Variants in LRP2BP observed in about 807,000 individuals in gnomAD.
The protein encoded by LRP2BP is LRP2-binding protein.
In LRP2BP, 38 loss-of-function variants were observed where a neutral mutation model predicts 45.2. The observed-to-expected ratio is 0.84, with a 90% CI of 0.65 to 1.10. LRP2BP has a LOEUF of 1.10. LRP2BP is among the 50% of genes least tolerant of loss of function. The probability of loss-of-function intolerance (pLI) is 0.00; values close to 1 mark genes in which losing one functional copy is unlikely to be tolerated. For missense variants in LRP2BP, 385 were observed against 418.9 expected, an observed-to-expected ratio of 0.92 and a Z score of 0.71; for synonymous variants, 153 against 153.9, an observed-to-expected ratio of 0.99 and a Z score of 0.04.
In LRP2BP at chr4:185,395,395, T is replaced by A; in HGVS notation, c.-638A>T. On this transcript the variant is annotated 5_prime_UTR_variant, in exon 1 of 9. Transcript: ENST00000505916. ...AGGAATTCCTGAAAATGAACTTCTGTGCAAACCTGAAGCTTCAACACGTGT... is the reference window on the plus strand; with the variant it reads ...AGGAATTCCTGAAAATGAACTTCTGAGCAAACCTGAAGCTTCAACACGTGT... The A allele has an allele frequency of 1.0e-6, 1 of 985,462 alleles. No homozygotes were observed. Among genetic ancestry groups the A allele is most frequent in the Non-Finnish European group, 1.2e-6 (1 of 829,928 alleles). 61.0% of individuals were successfully genotyped at this position (985,462 alleles called of 1,614,324 possible). A position where few individuals can be genotyped will look rare whatever the true frequency, so the allele number is the denominator to read the frequency against.
intron 1 of LRP2BP, 36 bp downstream of exon 1, chr4:185,394,743 T>C (rs1470624163): frequency 4.2e-5 from 41 of 985,246 alleles, no homozygotes; most frequent in Non-Finnish European, 4.8e-5. Context: ...TACTCAAGAT[T>C]CAGCCCACAC....
chr4:185,371,111 C>T (rs1323063058), intron 7 of LRP2BP: 1 of 274,778 alleles, frequency 3.6e-6, no homozygotes, highest in African/African-American at 2.1e-5. Flanking sequence ...AGTTTAATGT[C>T]ACTTTGTGGA....
chr4:185,379,291 G>A (rs1180546599), intron 1 of LRP2BP, among the ~76,000 whole-genome samples: 2 of 152,122 alleles, frequency 1.3e-5, no homozygotes, highest in Non-Finnish European at 2.9e-5. Flanking sequence ...AGCAATATTA[G>A]GTAAGGTATT....
rs924829420 is a variant in LRP2BP at position 185,370,539 on chromosome 4, A to G, written c.978+101T>C. On this transcript the variant is annotated intron_variant, in intron 8 of 8. Transcript: ENST00000505916. ...TGTAGACAGAGGTTATCTGCACAGT[A>G]ATTGAGTAGAAAAAACACTAATCCG... The G allele has an allele frequency of 9.2e-6, 11 of 1,198,274 alleles. 1 individual carries two copies. The Admixed American group carries it at 2.4e-4, about 26-fold the overall frequency. 74.2% of individuals were successfully genotyped at this position (1,198,274 alleles called of 1,614,324 possible). A position where few individuals can be genotyped will look rare whatever the true frequency, so the allele number is the denominator to read the frequency against.
At chr4:185,384,271 A>G (rs1055228891) in intron 1 of LRP2BP, among the ~76,000 whole-genome samples, 1 of 152,194 alleles carries the variant, frequency 6.6e-6, no homozygotes, top group African/African-American at 2.4e-5. Context: ...CTCACCAGAC[A>G]CTGAATCTGC....
rs2126771416 is a variant in LRP2BP, at chr4:185,366,163, A to G, written c.*1017T>C. 1 of 152,380 alleles carries G rather than the reference A, an allele frequency of 6.6e-6. No homozygotes were observed. Among genetic ancestry groups the G allele is most frequent in the Middle Eastern group, 3.4e-3 (1 of 294 alleles). 9.4% of individuals were successfully genotyped at this position (152,380 alleles called of 1,614,324 possible). A position where few individuals can be genotyped will look rare whatever the true frequency, so the allele number is the denominator to read the frequency against. On this transcript the variant is annotated 3_prime_UTR_variant, in exon 9 of 9. Coordinates refer to ENST00000505916, the MANE Select transcript of LRP2BP (RefSeq NM_001377440.1). Reference sequence around the variant, plus strand: ...TTGTTTCACAAATGAATAGCCTTGTACAATCTTATGCATATGGATCTTACT... The same window carrying G: ...TTGTTTCACAAATGAATAGCCTTGTGCAATCTTATGCATATGGATCTTACT...
At chr4:185,368,939 A>G (rs1168373089) in intron 8 of LRP2BP, among the ~76,000 whole-genome samples, 2 of 151,574 alleles carry the variant, frequency 1.3e-5, no homozygotes, top group Non-Finnish European at 2.9e-5. Context: ...GACTATGGAC[A>G]TGCGTTACCA....
chr4:185,374,085 CA>C, intron 6 of LRP2BP, 49 bp downstream of exon 6: 1 of 1,468,762 alleles, frequency 6.8e-7, no homozygotes, highest in Non-Finnish European at 9.4e-7. Flanking sequence ...AGCAGTGAAA[CA>C]AATATTAATC....
chr4:185,396,752 T>A, upstream of LRP2BP: 1 of 691,704 alleles, frequency 1.4e-6, no homozygotes, highest in South Asian at 1.7e-5. Context: ...ATTAGGCTGC[T>A]CGGGCGTAAC....
chr4:185,374,409 G>C lies in LRP2BP; in HGVS notation c.383C>G (p.Ala128Gly), dbSNP rs2095426262. Residue 128 changes from alanine (A) to glycine (G), a missense_variant, in exon 5 of 9, where the codon GCA becomes GGA. Coordinates refer to ENST00000505916, the MANE Select transcript of LRP2BP (RefSeq NM_001377440.1). The part of the protein sequence containing the change: ...KKILDSPCPK[A>G]RHLKFAAAYN... ...AGCAGCTGCAAATTTTAAGTGTCTT[G>C]CTTTGGGACATGGAGAATCAAGAAT... The C allele has an allele frequency of 6.2e-7, 1 of 1,613,934 alleles. No individual in the cohort carries two copies. Among genetic ancestry groups the C allele is most frequent in the African/African-American group, 1.3e-5 (1 of 74,872 alleles).
Position 185,376,906 on chromosome 4 carries a change from T to TA in LRP2BP, c.216+2dup, listed in dbSNP as rs777996004. 1.9e-6 allele frequency: 3 copies of TA among 1,595,964 alleles called. No individual in the cohort carries two copies. The African/African-American group carries it at 4.0e-5, about 21-fold the overall frequency. ...ATGAAAACGAATAAACAAAAAATGATACCTCTTCAAAATATAGTTGACCTC... is the reference window on the plus strand; with the variant it reads ...ATGAAAACGAATAAACAAAAAATGATAACCTCTTCAAAATATAGTTGACCTC... On this transcript the variant is annotated splice_region_variant and intron_variant, in intron 3 of 8. Transcript: ENST00000505916.
chr4:185,393,529 CT>C (rs34881421), intron 1 of LRP2BP, among the ~76,000 whole-genome samples: 110,457 of 142,312 alleles, frequency 0.78, 43,733 homozygotes, highest in East Asian at 0.98. Flanking sequence ...TTTTCTTTTC[CT>C]TTTTTTTTTT....
intron 7 of LRP2BP, among the ~76,000 whole-genome samples, chr4:185,371,384 T>TA (rs1167877690): frequency 6.6e-6 from 1 of 151,328 alleles, no homozygotes; most frequent in African/African-American, 2.4e-5. Flanking sequence ...CTAAAAAAGA[T>TA]ACAAAAAATT....
intron 1 of LRP2BP, among the ~76,000 whole-genome samples, chr4:185,392,269 A>G (rs1181844074): frequency 6.6e-6 from 1 of 152,258 alleles, no homozygotes; most frequent in African/African-American, 2.4e-5. Context: ...TGAACATTTA[A>G]ATCTAGTCAC....
intron 4 of LRP2BP, among the ~76,000 whole-genome samples, chr4:185,375,312 C>G (rs1379903123): frequency 6.7e-6 from 1 of 148,476 alleles, no homozygotes; most frequent in Non-Finnish European, 1.5e-5. Context: ...CAAAAATTAG[C>G]CAGGCGTGGT....
At chr4:185,394,554 A>AT (rs1360301960) in intron 1 of LRP2BP, among the ~76,000 whole-genome samples, 10 of 152,246 alleles carry the variant, frequency 6.6e-5, no homozygotes, top group Non-Finnish European at 1.5e-4. Context: ...ATAAACTGGA[A>AT]TAGACGTTAG....
chr4:185,367,264 C>A lies in LRP2BP; in HGVS notation c.979-19G>T. 6.2e-7 allele frequency: 1 copy of A among 1,600,590 alleles called. No homozygotes were observed. The highest frequency in any genetic ancestry group is 1.1e-5 in the South Asian group (1 of 90,008). On this transcript the variant is annotated intron_variant, in intron 8 of 8. Transcript: ENST00000505916. ...GACAAGCCTTAAAATCAAAAAGAGT[C>A]AGATATTTAGATACATTCTAATTGT...
chr4:185,381,507 A>G (rs752842421), intron 1 of LRP2BP, among the ~76,000 whole-genome samples: 26 of 152,190 alleles, frequency 1.7e-4, no homozygotes, highest in Non-Finnish European at 3.5e-4. Flanking sequence ...TTGGGCACAA[A>G]ATCCCTTTTT....
chr4:185,392,139 C>CA (rs1390771251), intron 1 of LRP2BP, among the ~76,000 whole-genome samples: 1 of 152,156 alleles, frequency 6.6e-6, no homozygotes, highest in East Asian at 1.9e-4. Flanking sequence ...TCTAATTTTA[C>CA]AAATTTATCA....
Sources: gnomAD v4.1 joint callset for allele counts (sites outside exome capture counted in the v4.1 genomes callset) on GRCh38, gnomAD v4.1.1 for gene constraint, MANE v1.5 for transcripts, NCBI Gene and HGNC (gene_info 2026-07-23, HGNC 2026-07-21) for gene names.